CXCR5: variants seen among roughly 807,000 people sequenced by gnomAD.
CXCR5 encodes C-X-C chemokine receptor type 5.
A neutral mutation model predicts 5.6 loss-of-function variants in CXCR5; 3 were observed. The observed-to-expected ratio is 0.54, with a 90% confidence interval of 0.24 to 1.39. The LOEUF (loss-of-function observed/expected upper bound fraction) is 1.39. Among genes scored for constraint, CXCR5 ranks in the 40% most tolerant of loss-of-function variants. The probability of loss-of-function intolerance (pLI) is 0.16; values close to 1 mark genes in which losing one functional copy is unlikely to be tolerated. For synonymous variants in CXCR5, 218 were observed against 219.9 expected, an observed-to-expected ratio of 0.99 and a Z score of 0.08; for missense variants, 333 against 494.6, an observed-to-expected ratio of 0.67 and a Z score of 3.10.
chr11:118,889,733 C>T (rs929116888), intron 1 of CXCR5, among the ~76,000 whole-genome samples: 14 of 152,194 alleles, frequency 9.2e-5, no homozygotes, highest in Non-Finnish European at 4.4e-5. Flanking sequence ...CCTCTCTGAA[C>T]GCTGCCAGAC....
intron 1 of CXCR5, chr11:118,887,380 C>T (rs497916): frequency 0.28 from 275,171 of 985,098 alleles, 38,936 homozygotes; most frequent in African/African-American, 0.36. Flanking sequence ...GCATCTTGGA[C>T]TGTGTGACTC....
At position 118,893,675 on chromosome 11, in the gene CXCR5, C is replaced by T. The variant is rs1424881213; in HGVS notation, c.131C>T (p.Pro44Leu). Reference sequence around the variant, plus strand: ...CATCTCTGCCCTGCCACAGAGGGGCCCCTCATGGCCTCCTTCAAGGCCGTG... The same window carrying T: ...CATCTCTGCCCTGCCACAGAGGGGCTCCTCATGGCCTCCTTCAAGGCCGTG... ...ENHLCPATEG[P>L]LMASFKAVFV... is the part of the protein sequence containing the mutation. The change falls in exon 2 of 2, where the codon CCC becomes CTC. Residue 44 changes from proline to leucine, a missense_variant. By Grantham distance (98) the Pro-to-Leu change is moderately conservative. Coordinates refer to ENST00000292174, the MANE Select transcript of CXCR5 (RefSeq NM_001716.5). This position sits in a 1 kb window ranked among gnomAD's most constrained non-coding sequence, Gnocchi z 5.7. The T allele has an allele frequency of 2.5e-6, 4 of 1,613,752 alleles. No individual in the cohort carries two copies.
rs1368264833 is a variant in CXCR5, at chr11:118,893,317, A to T, written c.52-279A>T. On this transcript the variant is annotated intron_variant, in intron 1 of 1. Transcript: ENST00000292174. The surrounding 1 kb of genome is among the most constrained non-coding windows in gnomAD (Gnocchi z 5.7). ...TCCGTACATGAGGACCCAAAAACAC[A>T]AGCTGACTTATGGGGTCCAGCCCTC... 1 of 916,154 alleles carries T rather than the reference A, an allele frequency of 1.1e-6. No individual in the cohort carries two copies. The highest frequency in any genetic ancestry group is 1.3e-6 in the Non-Finnish European group (1 of 767,096). The allele number at this position is 916,154 out of a possible 1,614,324, so 56.8% of individuals were successfully genotyped here. A position where few individuals can be genotyped will look rare whatever the true frequency, so the allele number is the denominator to read the frequency against.
At chr11:118,891,519 T>C (rs1285363236) in intron 1 of CXCR5, among the ~76,000 whole-genome samples, 1 of 152,080 alleles carries the variant, frequency 6.6e-6, no homozygotes, top group Admixed American at 6.6e-5. Context: ...ATCAATCTTC[T>C]ATTGATGAAC....
chr11:118,890,611 G>A (rs1043126273), intron 1 of CXCR5, among the ~76,000 whole-genome samples: 1 of 151,982 alleles, frequency 6.6e-6, no homozygotes, highest in African/African-American at 2.4e-5. Flanking sequence ...GCCGGGGGGT[G>A]GTCTAGAGCA....
chr11:118,890,481 G>A lies in CXCR5; in HGVS notation c.52-3115G>A, dbSNP rs1023113661. On this transcript the variant is annotated intron_variant, in intron 1 of 1. Transcript: ENST00000292174. ...GGGAAGGATGTCTGAAGATGGGATTGAATTCGGCTTTGGAGGAAGGGTGGA... is the reference window on the plus strand; with the variant it reads ...GGGAAGGATGTCTGAAGATGGGATTAAATTCGGCTTTGGAGGAAGGGTGGA... 2.0e-5 allele frequency among the ~76,000 whole-genome samples: 3 copies of A among 152,102 alleles called. No individual in the cohort carries two copies. The South Asian group carries it at 6.2e-4, about 32-fold the overall frequency.
intron 1 of CXCR5, among the ~76,000 whole-genome samples, chr11:118,891,177 A>T (rs1402043065): frequency 6.6e-6 from 1 of 152,040 alleles, no homozygotes; most frequent in Non-Finnish European, 1.5e-5. Context: ...TTTTAAAAAA[A>T]TGTTTTGTAG....
At chr11:118,889,471 C>T (rs574303398) in intron 1 of CXCR5, among the ~76,000 whole-genome samples, 1 of 152,344 alleles carries the variant, frequency 6.6e-6, no homozygotes, top group East Asian at 1.9e-4. Context: ...GATTGGAGGG[C>T]TTCCTTCAGC....
intron 1 of CXCR5, among the ~76,000 whole-genome samples, chr11:118,888,058 C>T (rs1204995804): frequency 1.3e-5 from 2 of 152,166 alleles, no homozygotes; most frequent in South Asian, 2.1e-4. Context: ...CTGAGCTAGA[C>T]GGAGATCATG....
Position 118,894,969 on chromosome 11 carries a change from A to C in CXCR5, c.*306A>C. The C allele has an allele frequency of 2.2e-5, 7 of 323,776 alleles. No individual in the cohort carries two copies. Among genetic ancestry groups the C allele is most frequent in the East Asian group, 5.3e-5 (1 of 18,844 alleles). The allele number at this position is 323,776 out of a possible 1,614,324, so 20.1% of individuals were successfully genotyped here. A position where few individuals can be genotyped will look rare whatever the true frequency, so the allele number is the denominator to read the frequency against. On this transcript the variant is annotated 3_prime_UTR_variant, in exon 2 of 2. Transcript: ENST00000292174. The surrounding 1 kb of genome is among the most constrained non-coding windows in gnomAD (Gnocchi z 6.1). ...ACCTCACGCACCTCCCATCCTAATC[A>C]TCCAATGCTCAAGAAACAACTTCTA...
chr11:118,894,855 G>T lies in CXCR5; in HGVS notation c.*192G>T. On this transcript the variant is annotated 3_prime_UTR_variant, in exon 2 of 2. Transcript: ENST00000292174. The surrounding 1 kb of genome is among the most constrained non-coding windows in gnomAD (Gnocchi z 6.1). ...CCTGCCAGCTCTTCTGCCGGCCCTG[G>T]GGCTAGGCTGGAGCCCAGGGAGCGG... is the stretch of plus-strand genomic sequence containing the variant. 3.8e-6 allele frequency: 2 copies of T among 524,602 alleles called. No homozygotes were observed. Among genetic ancestry groups the T allele is most frequent in the Non-Finnish European group, 3.2e-6 (1 of 311,454 alleles). 32.5% of individuals were successfully genotyped at this position (524,602 alleles called of 1,614,324 possible).
intron 1 of CXCR5, among the ~76,000 whole-genome samples, chr11:118,884,599 A>G (rs1939681870): frequency 6.6e-6 from 1 of 152,242 alleles, no homozygotes; most frequent in African/African-American, 2.4e-5. Flanking sequence ...GTAGCAAGGA[A>G]GAGGATCCCA....
chr11:118,887,037 C>T (rs1344482484), intron 1 of CXCR5: 1 of 157,828 alleles, frequency 6.3e-6, no homozygotes, highest in Non-Finnish European at 1.4e-5. Flanking sequence ...AGAGGAACCC[C>T]AGCAGAGGAG....
intron 1 of CXCR5, among the ~76,000 whole-genome samples, chr11:118,885,506 G>A (rs554977572): frequency 1.3e-5 from 2 of 152,240 alleles, no homozygotes; most frequent in Admixed American, 6.5e-5. Context: ...CGGCCCCAAA[G>A]GGGCAATGTG....
Position 118,896,323 on chromosome 11 carries a change from G to A in CXCR5, c.*1660G>A, listed in dbSNP as rs900068283. ...TTTATATAATGGTACAAAATGGCTG[G>A]GGGTGTGGCCATGGATGGAGGGAAG... On this transcript the variant is annotated 3_prime_UTR_variant, in exon 2 of 2. Transcript: ENST00000292174. The A allele has an allele frequency of 1.3e-5, 2 of 155,398 alleles. No homozygotes were observed. Among genetic ancestry groups the A allele is most frequent in the African/African-American group, 4.8e-5 (2 of 41,354 alleles). The allele number at this position is 155,398 out of a possible 1,614,324, so 9.6% of individuals were successfully genotyped here.
intron 1 of CXCR5, chr11:118,887,253 A>G: frequency 1.8e-5 from 18 of 985,430 alleles, no homozygotes; most frequent in Non-Finnish European, 2.0e-5. Context: ...GCATATGTGG[A>G]CCTAAGAATC....
rs978485247 is a variant in CXCR5 at position 118,895,671 on chromosome 11, A to G, written c.*1008A>G. The G allele has an allele frequency of 1.2e-5, 2 of 167,256 alleles. No individual in the cohort carries two copies. Among genetic ancestry groups the G allele is most frequent in the Non-Finnish European group, 2.9e-5 (2 of 68,298 alleles). 10.4% of individuals were successfully genotyped at this position (167,256 alleles called of 1,614,324 possible). On this transcript the variant is annotated 3_prime_UTR_variant, in exon 2 of 2. Transcript: ENST00000292174. This position sits in a 1 kb window ranked among gnomAD's most constrained non-coding sequence, Gnocchi z 4.2. Reference sequence around the variant, plus strand: ...TCAGAGTCGGAACGGAGAAAGGTGGACTGGAAGGGGCCCGTGGGAGTCATC... The same window carrying G: ...TCAGAGTCGGAACGGAGAAAGGTGGGCTGGAAGGGGCCCGTGGGAGTCATC...
chr11:118,894,329 T>A lies in CXCR5; in HGVS notation c.785T>A (p.Ile262Asn). 6.2e-7 allele frequency: 1 copy of A among 1,614,170 alleles called. No individual in the cohort carries two copies. Among genetic ancestry groups the A allele is most frequent in the Non-Finnish European group, 8.5e-7 (1 of 1,180,034 alleles). ...CGGCAGAAGGCAGTCAGGGTGGCCATCCTGGTGACAAGCATCTTCTTCCTC... is the reference window on the plus strand; with the variant it reads ...CGGCAGAAGGCAGTCAGGGTGGCCAACCTGGTGACAAGCATCTTCTTCCTC... ...PQRQKAVRVAILVTSIFFLCW... is the reference protein window; with the variant it reads ...PQRQKAVRVANLVTSIFFLCW... The change falls in exon 2 of 2, where the codon ATC becomes AAC. Residue 262 changes from isoleucine to asparagine, a missense_variant. Physicochemically the swap from Ile to Asn is moderately radical, Grantham distance 149 (BLOSUM62 -3). Transcript: ENST00000292174. The surrounding 1 kb of genome is among the most constrained non-coding windows in gnomAD (Gnocchi z 6.1).
intron 1 of CXCR5, among the ~76,000 whole-genome samples, chr11:118,884,368 G>A (rs1214659546): frequency 3.3e-5 from 5 of 152,146 alleles, no homozygotes; most frequent in Admixed American, 2.0e-4. Context: ...TTTTCTTACC[G>A]TAAGGAGGCT....
Sources: allele counts gnomAD v4.1 joint callset (sites outside exome capture counted in the v4.1 genomes callset), GRCh38; gene constraint gnomAD v4.1.1; non-coding constraint Gnocchi (gnomAD v3.1); transcripts MANE v1.5; gene names NCBI Gene and HGNC (gene_info 2026-07-23, HGNC 2026-07-21).